Variants in EFHC1 observed in about 807,000 individuals in gnomAD.
The protein encoded by EFHC1 is EF-hand domain-containing protein 1.
A neutral mutation model predicts 69.9 loss-of-function variants in EFHC1; 53 were observed. That is an observed-to-expected ratio of 0.76 (90% CI 0.61 to 0.95). The LOEUF (loss-of-function observed/expected upper bound fraction) is 0.95. Ranked by LOEUF, EFHC1 falls within the 40% of genes least tolerant of loss-of-function variation. EFHC1 has a pLI of 0.00. For missense variants in EFHC1, 739 were observed against 798.7 expected, an observed-to-expected ratio of 0.93 and a Z score of 0.90; for synonymous variants, 256 against 278.4, an observed-to-expected ratio of 0.92 and a Z score of 0.80.
intron 1 of EFHC1, among the ~76,000 whole-genome samples, chr6:52,421,226 C>T (rs1764184665): frequency 6.6e-6 from 1 of 152,206 alleles, no homozygotes; most frequent in Non-Finnish European, 1.5e-5. Context: ...AAGCATCTTT[C>T]CCTGCTTTGT....
chr6:52,429,147 G>T (rs1390207804), intron 2 of EFHC1, among the ~76,000 whole-genome samples: 2 of 152,068 alleles, frequency 1.3e-5, no homozygotes, highest in Admixed American at 6.6e-5. Context: ...TGGGTTGTCT[G>T]TTTACTCTGT....
chr6:52,423,760 C>A (rs929718166), intron 1 of EFHC1, 186 bp from the exon 2 acceptor site: 1 of 1,417,854 alleles, frequency 7.1e-7, no homozygotes, highest in South Asian at 1.3e-5. Flanking sequence ...CCCTCTTCAG[C>A]CTCCCAGAGT....
At position 52,493,343 on chromosome 6, in the gene EFHC1, ACT is replaced by A. The variant is rs1285060614; in HGVS notation, c.*1009_*1010del. ...ATAATTGTGTGAGCAATTTCTTATA[ACT>A]CTCTCTTTCTCTCTCTCTACATATA... On this transcript the variant is annotated 3_prime_UTR_variant, in exon 11 of 11. Transcript: ENST00000371068. 7 of 309,916 alleles carry A rather than the reference ACT, an allele frequency of 2.3e-5. No individual in the cohort carries two copies. The highest frequency in any genetic ancestry group is 4.4e-5 in the Non-Finnish European group (7 of 158,690). The allele number at this position is 309,916 out of a possible 1,614,324, so 19.2% of individuals were successfully genotyped here.
chr6:52,445,523 T>C (rs972202906), intron 3 of EFHC1, among the ~76,000 whole-genome samples: 2 of 149,094 alleles, frequency 1.3e-5, no homozygotes, highest in Non-Finnish European at 3.0e-5. Context: ...TTGGGATTCA[T>C]TGATTTTTTG....
intron 7 of EFHC1, among the ~76,000 whole-genome samples, chr6:52,470,789 A>G (rs1175026144): frequency 6.6e-6 from 1 of 152,234 alleles, no homozygotes; most frequent in Non-Finnish European, 1.5e-5. Context: ...AAATTAATAC[A>G]AAGTTGATTA....
chr6:52,492,809 G>A lies in EFHC1; in HGVS notation c.*468G>A, dbSNP rs114570177. On this transcript the variant is annotated 3_prime_UTR_variant, in exon 11 of 11. Transcript: ENST00000371068. Reference sequence around the variant, plus strand: ...TTTAAAATTATTTTGTAGAGACAAGGTCTTGCTAGGTTGCCTGAACTTGTC... The same window carrying A: ...TTTAAAATTATTTTGTAGAGACAAGATCTTGCTAGGTTGCCTGAACTTGTC... The A allele has an allele frequency of 3.1e-3, 1,387 of 440,346 alleles. 17 individuals are homozygous for A. The highest frequency in any genetic ancestry group is 0.026 in the African/African-American group (1,265 of 49,320). The allele number at this position is 440,346 out of a possible 1,614,324, so 27.3% of individuals were successfully genotyped here.
chr6:52,442,347 G>T (rs1764683830), intron 3 of EFHC1, among the ~76,000 whole-genome samples: 1 of 152,000 alleles, frequency 6.6e-6, no homozygotes, highest in South Asian at 2.1e-4. Context: ...CGCACAACGT[G>T]CAGGTTTGTT....
At position 52,494,362 on chromosome 6, in the gene EFHC1, G is replaced by A; in HGVS notation, c.*2021G>A. 1 of 454,078 alleles carries A rather than the reference G, an allele frequency of 2.2e-6. No homozygotes were observed. The highest frequency in any genetic ancestry group is 1.6e-5 in the South Asian group (1 of 64,468). 28.1% of individuals were successfully genotyped at this position (454,078 alleles called of 1,614,324 possible). On this transcript the variant is annotated 3_prime_UTR_variant, in exon 11 of 11. Transcript: ENST00000371068. ...AAGAGTGTGTGTATACTGGGGTGAT[G>A]ATAGTGGTTTCTTCTTACTCCCTTC...
intron 3 of EFHC1, among the ~76,000 whole-genome samples, chr6:52,448,320 G>A (rs565750786): frequency 3.7e-4 from 56 of 152,216 alleles, no homozygotes; most frequent in Non-Finnish European, 6.8e-4. Flanking sequence ...TCAATCTCAC[G>A]CTGCTGTGCT....
rs997506707 is a variant in EFHC1, at chr6:52,493,153, A to G, written c.*812A>G. 2.2e-6 allele frequency: 1 copy of G among 453,758 alleles called. No homozygotes were observed. Among genetic ancestry groups the G allele is most frequent in the Admixed American group, 2.4e-5 (1 of 42,538 alleles). The allele number at this position is 453,758 out of a possible 1,614,324, so 28.1% of individuals were successfully genotyped here. On this transcript the variant is annotated 3_prime_UTR_variant, in exon 11 of 11. Transcript: ENST00000371068. ...TTTTCTTGCCTTCAGACACAAATGG[A>G]AACATCAGCTGTTGGTCTGGAGCCT...
Position 52,451,314 on chromosome 6 carries a change from T to G in EFHC1, c.574-1374T>G, listed in dbSNP as rs527502824. Among the ~76,000 whole-genome samples, 3 of 152,342 alleles carry G rather than the reference T, an allele frequency of 2.0e-5. No homozygotes were observed. The South Asian group carries it at 6.2e-4, about 32-fold the overall frequency. ...ATTTAGTGCTCCTTTTAAGATCTCT[T>G]GTAAGGCAGGTCTGGTGGTAATGAA... On this transcript the variant is annotated intron_variant, in intron 3 of 10. Transcript: ENST00000371068.
chr6:52,491,515 T>C (rs569404596), intron 10 of EFHC1, among the ~76,000 whole-genome samples: 1 of 152,222 alleles, frequency 6.6e-6, no homozygotes, highest in Admixed American at 6.5e-5. Flanking sequence ...CAGTCTTTTA[T>C]TTGAATATAA....
chr6:52,442,749 T>A (rs1037572994), intron 3 of EFHC1, among the ~76,000 whole-genome samples: 3 of 152,238 alleles, frequency 2.0e-5, no homozygotes, highest in African/African-American at 7.2e-5. Context: ...AGTGCCGCAA[T>A]AAACATATGT....
At chr6:52,431,757 G>C (rs1370511493) in intron 2 of EFHC1, among the ~76,000 whole-genome samples, 1 of 151,994 alleles carries the variant, frequency 6.6e-6, no homozygotes, top group Non-Finnish European at 1.5e-5. Flanking sequence ...TTTCTTTGTT[G>C]ACTTTCTGTC....
At position 52,495,963 on chromosome 6, in the gene EFHC1, A is replaced by C. The variant is rs1385401670; in HGVS notation, c.*3622A>C. 4.3e-6 allele frequency: 1 copy of C among 231,854 alleles called. No individual in the cohort carries two copies. Among genetic ancestry groups the C allele is most frequent in the Non-Finnish European group, 8.6e-6 (1 of 116,702 alleles). The allele number at this position is 231,854 out of a possible 1,614,324, so 14.4% of individuals were successfully genotyped here. ...CACCTGTTTATACAAAGCAGCAAGTATAGGAGCCACAAACGTCAGAGCAAA... is the reference window on the plus strand; with the variant it reads ...CACCTGTTTATACAAAGCAGCAAGTCTAGGAGCCACAAACGTCAGAGCAAA... On this transcript the variant is annotated 3_prime_UTR_variant, in exon 11 of 11. Coordinates refer to ENST00000371068, the MANE Select transcript of EFHC1 (RefSeq NM_018100.4).
At chr6:52,462,673 G>C (rs1280679978) in intron 5 of EFHC1, among the ~76,000 whole-genome samples, 1 of 152,060 alleles carries the variant, frequency 6.6e-6, no homozygotes, top group Non-Finnish European at 1.5e-5. Context: ...ATCACTTGAG[G>C]TCAGGAGTTC....
rs1480798732 is a variant in EFHC1 at position 52,453,558 on chromosome 6, A to G, written c.724-537A>G. 9 of 1,283,454 alleles carry G rather than the reference A, an allele frequency of 7.0e-6. No individual in the cohort carries two copies. The South Asian group carries it at 8.7e-5, about 12-fold the overall frequency. The allele number at this position is 1,283,454 out of a possible 1,614,324, so 79.5% of individuals were successfully genotyped here. A position where few individuals can be genotyped will look rare whatever the true frequency, so the allele number is the denominator to read the frequency against. On this transcript the variant is annotated intron_variant, in intron 4 of 10. Transcript: ENST00000371068. ...TTTAAGGATTTTGTTCATATCAGTC[A>G]TATATCTGTTATTATTTTGTATTTA...
chr6:52,422,420 G>A (rs1764210495), intron 1 of EFHC1, among the ~76,000 whole-genome samples: 1 of 152,066 alleles, frequency 6.6e-6, no homozygotes, highest in Non-Finnish European at 1.5e-5. Flanking sequence ...ACTGACTTGT[G>A]ACTCTGAATA....
intron 3 of EFHC1, among the ~76,000 whole-genome samples, chr6:52,440,486 A>G (rs1764637320): frequency 6.6e-6 from 1 of 151,916 alleles, no homozygotes; most frequent in South Asian, 2.1e-4. Flanking sequence ...CTTCATGTAT[A>G]TGTATATGTA....
Sources: gnomAD v4.1 joint callset for allele counts (sites outside exome capture counted in the v4.1 genomes callset) on GRCh38, gnomAD v4.1.1 for gene constraint, MANE v1.5 for transcripts, NCBI Gene and HGNC (gene_info 2026-07-23, HGNC 2026-07-21) for gene names.